The following ANKRD18A variants were observed in gnomAD, a reference collection of about 807,000 sequenced individuals.
ANKRD18A encodes ankyrin repeat domain 18A.
Under a neutral mutation model 110.6 loss-of-function variants are expected in ANKRD18A, and 72 were observed. That is an observed-to-expected ratio of 0.65 (90% CI 0.54 to 0.79). The LOEUF is 0.79. Ranked by LOEUF, ANKRD18A falls within the 30% of genes least tolerant of loss-of-function variation. ANKRD18A has a pLI of 0.00. For synonymous variants in ANKRD18A, 305 were observed against 410.3 expected (o/e 0.74, Z 3.10); for missense variants, 934 against 1,163.3 (o/e 0.80, Z 2.87).
At chr9:38,603,338 T>C (rs1825212431) in intron 6 of ANKRD18A, 126 bp from the exon 7 acceptor site, 1 of 1,331,178 alleles carries the variant, frequency 7.5e-7, no homozygotes, top group Non-Finnish European at 1.0e-6. Context: ...TTTAGAAGCT[T>C]GCACTCATCA....
intron 8 of ANKRD18A, among the ~76,000 whole-genome samples, chr9:38,598,375 G>A (rs1272862407): frequency 5.3e-5 from 8 of 152,242 alleles, no homozygotes; most frequent in Non-Finnish European, 1.0e-4. Flanking sequence ...TTCCAGAACC[G>A]TCATTTAGAT....
chr9:38,571,724 C>T lies in ANKRD18A; in HGVS notation c.*321G>A, dbSNP rs1333873297. The T allele has an allele frequency of 3.8e-6, 4 of 1,051,080 alleles. No homozygotes were observed. Among genetic ancestry groups the T allele is most frequent in the Non-Finnish European group, 4.6e-6 (4 of 872,924 alleles). 65.1% of individuals were successfully genotyped at this position (1,051,080 alleles called of 1,614,324 possible). A position where few individuals can be genotyped will look rare whatever the true frequency, so the allele number is the denominator to read the frequency against. On this transcript the variant is annotated 3_prime_UTR_variant, in exon 16 of 16. Transcript: ENST00000399703. ...TTTGGCTGTTTAAACAGCTGACATT[C>T]AGGCAATTTGAGTAGGCCAAACTCA... is the stretch of plus-strand genomic sequence containing the variant.
chr9:38,607,690 T>G (rs1825421939), intron 5 of ANKRD18A, among the ~76,000 whole-genome samples, 197 bp from the exon 6 acceptor site: 1 of 152,210 alleles, frequency 6.6e-6, no homozygotes, highest in South Asian at 2.1e-4. Context: ...GAAGTGCTCA[T>G]AAACTGAGAA....
chr9:38,620,393 G>C lies in ANKRD18A; in HGVS notation c.-108C>G. On this transcript the variant is annotated 5_prime_UTR_variant, in exon 1 of 16. The change creates a new upstream start codon in the 5' untranslated region. Coordinates refer to ENST00000399703, the MANE Select transcript of ANKRD18A (RefSeq NM_147195.4). ...ATCCGCGATCTCCCCCGCAACCCGCGATCCCCCCCGCAACCCGCGATCCAC... is the reference window on the plus strand; with the variant it reads ...ATCCGCGATCTCCCCCGCAACCCGCCATCCCCCCCGCAACCCGCGATCCAC... 2.8e-6 allele frequency: 3 copies of C among 1,064,730 alleles called. No individual in the cohort carries two copies. Among genetic ancestry groups the C allele is most frequent in the Non-Finnish European group, 3.7e-6 (3 of 806,356 alleles). 66.0% of individuals were successfully genotyped at this position (1,064,730 alleles called of 1,614,324 possible).
rs1302605064 is a variant in ANKRD18A, at chr9:38,577,156, T to C, written c.2638A>G (p.Met880Val). ...LKDVECKFSK[M>V]KTAYEEVTTE... ...GTAACCTCTTCATAAGCAGTTTTCA[T>C]TTTGGAGAATTTACATTCCACATCT... The change falls in exon 14 of 16, where the codon ATG (methionine) becomes GTG (valine). Residue 880 changes from methionine to valine, a missense_variant. By Grantham distance (21) the Met-to-Val change is conservative. Coordinates refer to ENST00000399703, the MANE Select transcript of ANKRD18A (RefSeq NM_147195.4). The C allele has an allele frequency of 6.5e-7, 1 of 1,549,348 alleles. No individual in the cohort carries two copies. The highest frequency in any genetic ancestry group is 8.7e-7 in the Non-Finnish European group (1 of 1,146,418).
chr9:38,610,273 C>A lies in ANKRD18A; in HGVS notation c.740G>T (p.Ser247Ile), dbSNP rs754492692. The A allele has an allele frequency of 1.0e-5, 16 of 1,533,604 alleles. No homozygotes were observed. The South Asian group carries it at 1.9e-4, about 18-fold the overall frequency. 95.0% of individuals were successfully genotyped at this position (1,533,604 alleles called of 1,614,324 possible). The change falls in exon 5 of 16, where the codon AGC becomes ATC. Residue 247 changes from serine (S) to isoleucine (I), a missense_variant and splice_region_variant. Physicochemically the swap from Ser to Ile is moderately radical, Grantham distance 142 (BLOSUM62 -2). Around this residue, in one of 4 missense-constraint regions of ANKRD18A, gnomAD observed 630 missense variants for 797.5 expected, o/e 0.79. Coordinates refer to ENST00000399703, the MANE Select transcript of ANKRD18A (RefSeq NM_147195.4). ...CCGGTCTTTTAATATAAGCACATAC[C>A]TTCTCAAATCAGAACAAAGAGCATA... ...EDYALCSDLR[S>I]IRQQILEHKN...
rs1461690791 is a variant in ANKRD18A, at chr9:38,595,900, C to T, written c.1440G>A (p.Arg480=). ...TACCTTTTAAGGTATTGAACTTCAC[C>T]CGAGCTTTATGGACCTGTTCAGTAA... ...ELLTEQVHKA[R]VKFNTLKGKL... The change falls in exon 9 of 16, where the codon CGG becomes CGA. Residue 480 remains arginine (R), a synonymous_variant. Coordinates refer to ENST00000399703, the MANE Select transcript of ANKRD18A (RefSeq NM_147195.4). 6.4e-7 allele frequency: 1 copy of T among 1,551,204 alleles called. No individual in the cohort carries two copies. Among genetic ancestry groups the T allele is most frequent in the East Asian group, 2.4e-5 (1 of 40,900 alleles).
At chr9:38,609,858 C>T (rs1825527438) in intron 5 of ANKRD18A, among the ~76,000 whole-genome samples, 1 of 149,598 alleles carries the variant, frequency 6.7e-6, no homozygotes, top group Non-Finnish European at 1.5e-5. Context: ...TCAGGCCAGG[C>T]ATGGTGGCTA....
intron 3 of ANKRD18A, among the ~76,000 whole-genome samples, chr9:38,612,214 G>C (rs1000869812): frequency 5.3e-5 from 8 of 152,166 alleles, no homozygotes; most frequent in African/African-American, 1.9e-4. Flanking sequence ...AGAAAGCTCA[G>C]TATGTTCTGT....
intron 5 of ANKRD18A, among the ~76,000 whole-genome samples, chr9:38,609,938 C>T (rs550567512): frequency 7.7e-5 from 9 of 116,268 alleles, no homozygotes; most frequent in African/African-American, 2.8e-4. Context: ...GAGACCTTGT[C>T]TCAAAAAAAA....
chr9:38,588,662 G>C lies in ANKRD18A; in HGVS notation c.2006C>G (p.Pro669Arg). 1.5e-6 allele frequency: 2 copies of C among 1,338,466 alleles called. No homozygotes were observed. Among genetic ancestry groups the C allele is most frequent in the Non-Finnish European group, 1.9e-6 (2 of 1,030,548 alleles). The allele number at this position is 1,338,466 out of a possible 1,614,324, so 82.9% of individuals were successfully genotyped here. Residue 669 changes from proline to arginine, a missense_variant and splice_region_variant, in exon 11 of 16, where the codon CCT becomes CGT. This residue lies in a region of ANKRD18A where 630 missense variants were observed against 797.5 expected (regional missense o/e 0.79). Coordinates refer to ENST00000399703, the MANE Select transcript of ANKRD18A (RefSeq NM_147195.4). ...KKKLFQVEIQPEEKHEEFRKL... is the reference protein window; with the variant it reads ...KKKLFQVEIQREEKHEEFRKL... ...TCTGAATTCTTCATGTTTTTCTTCA[G>C]GCTTGAAAAAAAGTGTTTAAAATTA...
intron 7 of ANKRD18A, among the ~76,000 whole-genome samples, chr9:38,602,633 A>G (rs1825169983): frequency 6.6e-6 from 1 of 152,352 alleles, no homozygotes; most frequent in Admixed American, 6.5e-5. Context: ...AATTCCAAGA[A>G]AAAGACCAAC....
intron 10 of ANKRD18A, among the ~76,000 whole-genome samples, chr9:38,590,541 G>A (rs1199499733): frequency 6.6e-6 from 1 of 152,090 alleles, no homozygotes; most frequent in South Asian, 2.1e-4. Flanking sequence ...TGTGAGCCAC[G>A]GCACCCAGCC....
Position 38,603,031 on chromosome 9 carries a change from A to C in ANKRD18A, c.862+128T>G, listed in dbSNP as rs1407794944. 4 of 1,333,912 alleles carry C rather than the reference A, an allele frequency of 3.0e-6. No homozygotes were observed. The East Asian group carries it at 1.1e-4, about 35-fold the overall frequency. The allele number at this position is 1,333,912 out of a possible 1,614,324, so 82.6% of individuals were successfully genotyped here. ...TTTTATTTTATCATGGATGGGTGAA[A>C]ACCTTGTAATAGACTGATGTACTCC... On this transcript the variant is annotated intron_variant, in intron 7 of 15. Transcript: ENST00000399703.
At position 38,615,825 on chromosome 9, in the gene ANKRD18A, C is replaced by T. The variant is rs1205569780; in HGVS notation, c.322-58G>A. The T allele has an allele frequency of 1.9e-5, 30 of 1,554,040 alleles. No individual in the cohort carries two copies. The East Asian group carries it at 6.5e-4, about 34-fold the overall frequency. ...ATTCTAAGAATTCAAAATACATATT[C>T]CACAGGTTTCACCAACTAGCTATAT... On this transcript the variant is annotated intron_variant, in intron 2 of 15. Transcript: ENST00000399703.
rs1823982480 is a variant in ANKRD18A at position 38,578,061 on chromosome 9, A to C, written c.2335T>G (p.Leu779Val). 6.4e-7 allele frequency: 1 copy of C among 1,550,954 alleles called. No homozygotes were observed. The highest frequency in any genetic ancestry group is 2.4e-5 in the East Asian group (1 of 40,840). The change falls in exon 13 of 16, where the codon TTA becomes GTA. Residue 779 changes from leucine (L) to valine (V), a missense_variant. Physicochemically the swap from Leu to Val is conservative, Grantham distance 32. This residue lies in a region of ANKRD18A where 79 missense variants were observed against 122.8 expected (regional missense o/e 0.64). Transcript: ENST00000399703. ...KDNEVLHQEL[L>V]SMRNVQEKCE... Reference sequence around the variant, plus strand: ...TTCTCTTGTACATTTCTCATAGATAATAACTCCTGATGAAGAACTTCATTG... The same window carrying C: ...TTCTCTTGTACATTTCTCATAGATACTAACTCCTGATGAAGAACTTCATTG...
intron 15 of ANKRD18A, among the ~76,000 whole-genome samples, chr9:38,575,136 T>G (rs1475597023): frequency 6.6e-6 from 1 of 150,724 alleles, no homozygotes; most frequent in African/African-American, 2.4e-5. Context: ...CAAACTACAA[T>G]CAAGTAGAGT....
At position 38,601,838 on chromosome 9, in the gene ANKRD18A, C is replaced by T. The variant is rs144067486; in HGVS notation, c.863-634G>A. ...AAACCCTGACTCTATAGAAAATTTG[C>T]CAGGCATAGTGGTCTGTGCCTATAG... On this transcript the variant is annotated intron_variant, in intron 7 of 15. Coordinates refer to ENST00000399703, the MANE Select transcript of ANKRD18A (RefSeq NM_147195.4). Among the ~76,000 whole-genome samples the T allele has an allele frequency of 5.6e-3, 853 of 151,976 alleles. 3 individuals are homozygous for T. Among genetic ancestry groups the T allele is most frequent in the African/African-American group, 0.019 (802 of 41,454 alleles).
At chr9:38,619,536 T>C (rs1825997783) in intron 1 of ANKRD18A, among the ~76,000 whole-genome samples, 1 of 152,234 alleles carries the variant, frequency 6.6e-6, no homozygotes, top group Non-Finnish European at 1.5e-5. Flanking sequence ...GTCATCACAA[T>C]GGTAAGATAG....
Sources: allele counts gnomAD v4.1 joint callset (sites outside exome capture counted in the v4.1 genomes callset), GRCh38; gene constraint gnomAD v4.1.1; regional missense constraint gnomAD v4.1.1; transcripts MANE v1.5; gene names NCBI Gene and HGNC (gene_info 2026-07-23, HGNC 2026-07-21).